The following CHRM3 variants were observed in gnomAD, a reference collection of about 807,000 sequenced individuals.
CHRM3 encodes the protein muscarinic acetylcholine receptor M3.
CHRM3 carries 11 observed loss-of-function variants against 41.8 expected under a neutral mutation model. That is an observed-to-expected ratio of 0.26 (90% CI 0.17 to 0.44). The LOEUF is 0.44. Among genes scored for constraint, CHRM3 ranks in the 20% least tolerant of loss-of-function variants. CHRM3 has a pLI of 1.00. For synonymous variants in CHRM3, 297 were observed against 301.4 expected (o/e 0.99, Z 0.15); for missense variants, 571 against 745.4 (o/e 0.77, Z 2.72).
At chr1:239,839,485 A>G (rs1673602684) in intron 6 of CHRM3, among the ~76,000 whole-genome samples, 2 of 152,208 alleles carry the variant, frequency 1.3e-5, no homozygotes, top group Admixed American at 1.3e-4. Context: ...ACTTCGAGTC[A>G]TACAGTACCA....
intron 1 of CHRM3, among the ~76,000 whole-genome samples, chr1:239,434,938 G>C (rs1011941694): frequency 1.3e-5 from 2 of 152,114 alleles, no homozygotes; most frequent in African/African-American, 4.8e-5. Flanking sequence ...CCTCGAGATC[G>C]CTTCCCGAGG....
chr1:239,551,249 A>G (rs113195406), intron 3 of CHRM3, among the ~76,000 whole-genome samples: 54,680 of 139,678 alleles, frequency 0.39, 11,804 homozygotes, highest in East Asian at 0.61. Flanking sequence ...TGCAACCTCC[A>G]CCTCCCGGGT....
At chr1:239,435,004 G>C (rs1261527601) in intron 1 of CHRM3, among the ~76,000 whole-genome samples, 1 of 152,146 alleles carries the variant, frequency 6.6e-6, no homozygotes, top group Non-Finnish European at 1.5e-5. Context: ...ATAGGACTCA[G>C]CTCCCAGTGG....
At chr1:239,624,852 G>T (rs1261458611) in intron 3 of CHRM3, among the ~76,000 whole-genome samples, 1 of 33,634 alleles carries the variant, frequency 3.0e-5, no homozygotes, top group African/African-American at 1.2e-4. Context: ...CTGTTCCATT[G>T]ATCTATATCT....
At chr1:239,432,856 C>A (rs148513186) in intron 1 of CHRM3, among the ~76,000 whole-genome samples, 77 of 152,200 alleles carry the variant, frequency 5.1e-4, no homozygotes, top group African/African-American at 1.8e-3. Flanking sequence ...TTCACGGGTT[C>A]TTTTATTTTT....
chr1:239,473,829 A>T (rs541717497), intron 1 of CHRM3, among the ~76,000 whole-genome samples: 1 of 152,078 alleles, frequency 6.6e-6, no homozygotes, highest in African/African-American at 2.4e-5. Flanking sequence ...TATGTAAGTA[A>T]TGCGTATTAT....
At chr1:239,507,363 T>C (rs1668642617) in intron 2 of CHRM3, among the ~76,000 whole-genome samples, 1 of 152,178 alleles carries the variant, frequency 6.6e-6, no homozygotes, top group Non-Finnish European at 1.5e-5. Context: ...CTGATGGTTA[T>C]ATAAAAACAG....
chr1:239,653,500 T>C (rs1006490286), intron 4 of CHRM3, among the ~76,000 whole-genome samples: 4 of 152,232 alleles, frequency 2.6e-5, no homozygotes, highest in African/African-American at 9.6e-5. Flanking sequence ...ATGGAATCTT[T>C]GTCAAAGAGC....
At chr1:239,831,190 G>A (rs150611434) in intron 6 of CHRM3, among the ~76,000 whole-genome samples, 21 of 152,252 alleles carry the variant, frequency 1.4e-4, no homozygotes, top group East Asian at 3.9e-4. Flanking sequence ...GTCAGGAGAC[G>A]CTGACTCGGT....
In CHRM3 at chr1:239,567,201, C is replaced by T. The variant is rs80300203; in HGVS notation, c.-313+21452C>T. The stretch of plus-strand genomic sequence containing the variant: ...CCTCATTAAAACTGGTAAGCTGGTG[C>T]GGTGGCATGCACCTGAATGTCCCAG... On this transcript the variant is annotated intron_variant, in intron 3 of 6. Transcript: ENST00000676153. 5.5e-3 allele frequency among the ~76,000 whole-genome samples: 830 copies of T among 151,554 alleles called. 21 individuals are homozygous for T. The East Asian group carries it at 0.08, about 15-fold the overall frequency.
intron 5 of CHRM3, among the ~76,000 whole-genome samples, chr1:239,698,024 C>A (rs1049732005): frequency 2.0e-5 from 3 of 152,154 alleles, no homozygotes; most frequent in African/African-American, 7.2e-5. Flanking sequence ...GACTAAATTT[C>A]ATGTCTCTGG....
chr1:239,489,654 T>A (rs181228401), intron 1 of CHRM3, among the ~76,000 whole-genome samples: 249 of 152,314 alleles, frequency 1.6e-3, no homozygotes, highest in Non-Finnish European at 3.2e-3. Context: ...TTTTGCTATT[T>A]TGGGGGGCTT....
At chr1:239,490,140 T>C (rs774649907) in intron 1 of CHRM3, among the ~76,000 whole-genome samples, 2 of 152,212 alleles carry the variant, frequency 1.3e-5, no homozygotes, top group Non-Finnish European at 2.9e-5. Context: ...TGCTCAATAA[T>C]GTTAGCTAAA....
At chr1:239,701,456 A>G (rs1220536516) in intron 5 of CHRM3, among the ~76,000 whole-genome samples, 8 of 152,120 alleles carry the variant, frequency 5.3e-5, no homozygotes, top group Non-Finnish European at 1.2e-4. Flanking sequence ...AAGAATTGTC[A>G]CCAAGGTGTG....
At chr1:239,526,962 A>G (rs1670037225) in intron 2 of CHRM3, among the ~76,000 whole-genome samples, 1 of 152,058 alleles carries the variant, frequency 6.6e-6, no homozygotes, top group Non-Finnish European at 1.5e-5. Flanking sequence ...CTCTATAAAG[A>G]TATTTAAAAA....
intron 5 of CHRM3, among the ~76,000 whole-genome samples, chr1:239,733,307 C>T (rs970089776): frequency 6.6e-5 from 10 of 152,002 alleles, no homozygotes; most frequent in Admixed American, 2.6e-4. Context: ...CCCCAAAGTA[C>T]GCATAGTTGA....
chr1:239,662,953 T>TTCTTCTTCTTCTTC (rs1673408092), intron 4 of CHRM3, among the ~76,000 whole-genome samples: 2 of 145,952 alleles, frequency 1.4e-5, no homozygotes, highest in Non-Finnish European at 3.0e-5. Flanking sequence ...TTCCTTCTCC[T>TTCTTCTTCTTCTTC]TTCTCCTCTT....
chr1:239,438,641 T>C (rs1257442684), intron 1 of CHRM3, among the ~76,000 whole-genome samples: 1 of 152,190 alleles, frequency 6.6e-6, no homozygotes, highest in East Asian at 1.9e-4. Flanking sequence ...TTTTTGAGAT[T>C]TGGGAGGCTT....
chr1:239,649,430 G>A (rs1345931979), intron 4 of CHRM3, among the ~76,000 whole-genome samples: 3 of 152,134 alleles, frequency 2.0e-5, no homozygotes, highest in Non-Finnish European at 4.4e-5. Context: ...ATGGACCTAA[G>A]GCAATAGAAA....
Sources: allele counts gnomAD v4.1 joint callset (sites outside exome capture counted in the v4.1 genomes callset), GRCh38; gene constraint gnomAD v4.1.1; transcripts MANE v1.5; gene names NCBI Gene and HGNC (gene_info 2026-07-23, HGNC 2026-07-21).